LPIN2: variants seen among roughly 807,000 people sequenced by gnomAD.
LPIN2 encodes the protein phosphatidate phosphatase LPIN2.
In LPIN2, 55 loss-of-function variants were observed where a neutral mutation model predicts 111.4. That is an observed-to-expected ratio of 0.49 (90% CI 0.40 to 0.62). The LOEUF (loss-of-function observed/expected upper bound fraction) is 0.62, where lower values mean the gene tolerates loss of function less well. LPIN2 is among the 20% of genes least tolerant of loss of function. LPIN2 has a pLI of 0.00. For missense variants in LPIN2, 992 were observed against 1,112.1 expected, an observed-to-expected ratio of 0.89 and a Z score of 1.54; for synonymous variants, 425 against 414.0, an observed-to-expected ratio of 1.03 and a Z score of -0.32.
intron 1 of LPIN2, among the ~76,000 whole-genome samples, chr18:3,002,221 T>G (rs2078443522): frequency 9.3e-6 from 1 of 107,926 alleles, no homozygotes; most frequent in Non-Finnish European, 1.8e-5. Context: ...TTTAAAAGGA[T>G]GACCTTCAAA....
intron 4 of LPIN2, among the ~76,000 whole-genome samples, chr18:2,947,071 C>A (rs1461484678): frequency 6.6e-6 from 1 of 152,206 alleles, no homozygotes; most frequent in African/African-American, 2.4e-5. Flanking sequence ...GTATGCAGAT[C>A]ATCAGAGCAG....
At chr18:2,920,733 C>A (rs754176593) in intron 19 of LPIN2, 45 bp downstream of exon 19, 2 of 1,439,838 alleles carry the variant, frequency 1.4e-6, no homozygotes, top group Non-Finnish European at 2.0e-6. Context: ...CCCAACTGTA[C>A]CCCTGGCTGC....
chr18:2,976,850 G>C (rs1012058789), intron 1 of LPIN2, among the ~76,000 whole-genome samples: 2 of 152,154 alleles, frequency 1.3e-5, no homozygotes, highest in Non-Finnish European at 2.9e-5. Flanking sequence ...TAACTAAGCC[G>C]TAAGAGCCTT....
At chr18:2,982,683 G>C in intron 1 of LPIN2, 1 of 1,300,634 alleles carries the variant, frequency 7.7e-7, no homozygotes. Context: ...TACCAGGAGG[G>C]GACTTGTCAT....
chr18:2,929,110 G>C lies in LPIN2; in HGVS notation c.1505C>G (p.Pro502Arg). The C allele has an allele frequency of 6.2e-7, 1 of 1,607,714 alleles. No homozygotes were observed. Among genetic ancestry groups the C allele is most frequent in the Non-Finnish European group, 8.5e-7 (1 of 1,174,482 alleles). ...AAGGTTAGGATTGTCTATAAGTCCA[G>C]GGTTTTCTGCAAATTCGTGATAAGT... ...IITYHEFAEN[P>R]GLIDNPNLVI... The change falls in exon 10 of 20, where the codon CCT becomes CGT. Residue 502 changes from proline (P) to arginine (R), a missense_variant. Physicochemically the swap from Pro to Arg is moderately radical, Grantham distance 103. Around this residue, in one of 4 missense-constraint regions of LPIN2, gnomAD observed 709 missense variants for 753.2 expected, o/e 0.94. Transcript: ENST00000677752.
chr18:3,012,362 A>G (rs2078618443), intron 1 of LPIN2, among the ~76,000 whole-genome samples: 1 of 152,262 alleles, frequency 6.6e-6, no homozygotes, highest in African/African-American at 2.4e-5. Context: ...TGAATTTTCA[A>G]TGAAAAGAGT....
At chr18:2,998,736 T>TA (rs1462831784) in intron 1 of LPIN2, among the ~76,000 whole-genome samples, 5 of 151,974 alleles carry the variant, frequency 3.3e-5, no homozygotes, top group East Asian at 1.9e-4. Flanking sequence ...AAAAAAGAAA[T>TA]AGAGTATAAC....
intron 2 of LPIN2, 33 bp from the exon 3 acceptor site, chr18:2,954,632 A>G: frequency 7.1e-7 from 1 of 1,416,760 alleles, no homozygotes; most frequent in Non-Finnish European, 1.0e-6. Context: ...CTTAATGTTC[A>G]AGGAGTCTTT....
chr18:2,926,057 G>A (rs111657901), intron 13 of LPIN2, among the ~76,000 whole-genome samples: 3 of 152,140 alleles, frequency 2.0e-5, no homozygotes, highest in Non-Finnish European at 2.9e-5. Context: ...AGGCAGGATT[G>A]TATGAGCCGA....
In LPIN2 at chr18:2,928,664, T is replaced by A; in HGVS notation, c.1551-4A>T. ...TGCCAAAGCCCAGTTATAGTAACTG[T>A]GAGAAACAAAAATTGTGCAAAACCA... On this transcript the variant is annotated splice_region_variant and splice_polypyrimidine_tract_variant and intron_variant, in intron 10 of 19. Transcript: ENST00000677752. 1.2e-6 allele frequency: 2 copies of A among 1,613,230 alleles called. No homozygotes were observed. The highest frequency in any genetic ancestry group is 1.7e-6 in the Non-Finnish European group (2 of 1,179,606).
chr18:2,950,578 T>A (rs1264202063), intron 4 of LPIN2: 2 of 171,890 alleles, frequency 1.2e-5, no homozygotes, highest in Non-Finnish European at 2.5e-5. Context: ...TGGCATATAA[T>A]GAGCTCTTCT....
In LPIN2 at chr18:2,955,788, G is replaced by A. The variant is rs184264036; in HGVS notation, c.193-1189C>T. Among the ~76,000 whole-genome samples, 473 of 152,176 alleles carry A rather than the reference G, an allele frequency of 3.1e-3. 3 individuals are homozygous for A. Among genetic ancestry groups the A allele is most frequent in the African/African-American group, 0.011 (450 of 41,532 alleles). Reference sequence around the variant, plus strand: ...AAATCGGCTGGGCATGGTGGCGCCCGCCTGTAATCCCAGCTACTCGGGAGG... The same window carrying A: ...AAATCGGCTGGGCATGGTGGCGCCCACCTGTAATCCCAGCTACTCGGGAGG... On this transcript the variant is annotated intron_variant, in intron 2 of 19. Transcript: ENST00000677752.
At chr18:2,997,724 C>T (rs146958267) in intron 1 of LPIN2, among the ~76,000 whole-genome samples, 1 of 152,326 alleles carries the variant, frequency 6.6e-6, no homozygotes, top group Non-Finnish European at 1.5e-5. Context: ...CAAAAAGTCA[C>T]CAATTCATCA....
At chr18:2,957,239 T>G (rs1363233683) in intron 2 of LPIN2, among the ~76,000 whole-genome samples, 1 of 152,176 alleles carries the variant, frequency 6.6e-6, no homozygotes, top group African/African-American at 2.4e-5. Context: ...TGGGAGTCTA[T>G]TCATCCTGTT....
intron 5 of LPIN2, among the ~76,000 whole-genome samples, chr18:2,940,331 T>TAAAAAG (rs1304557594): frequency 1.3e-5 from 2 of 152,000 alleles, no homozygotes; most frequent in African/African-American, 4.8e-5. Context: ...TTGTCTCTAC[T>TAAAAAG]AAAAAGAAAA....
chr18:3,004,122 C>T (rs1163697747), intron 1 of LPIN2, among the ~76,000 whole-genome samples: 1 of 152,208 alleles, frequency 6.6e-6, no homozygotes. Context: ...TGGTTCTCTG[C>T]TCTTGAACCC....
chr18:2,944,969 A>T (rs1466334341), intron 4 of LPIN2, among the ~76,000 whole-genome samples: 2 of 152,182 alleles, frequency 1.3e-5, no homozygotes, highest in African/African-American at 4.8e-5. Context: ...GTAGTTGTAA[A>T]CAAATCCTAA....
At chr18:2,992,196 C>T (rs1214636527) in intron 1 of LPIN2, among the ~76,000 whole-genome samples, 1 of 151,986 alleles carries the variant, frequency 6.6e-6, no homozygotes, top group African/African-American at 2.4e-5. Flanking sequence ...GATGGAGAAA[C>T]AAAATGTGTT....
chr18:2,922,491 G>A (rs1205421532), intron 16 of LPIN2, among the ~76,000 whole-genome samples: 2 of 152,156 alleles, frequency 1.3e-5, no homozygotes, highest in East Asian at 3.9e-4. Context: ...TGGCTAGATT[G>A]GTCTTAAGCT....
Sources: gnomAD v4.1 joint callset for allele counts (sites outside exome capture counted in the v4.1 genomes callset) on GRCh38, gnomAD v4.1.1 for gene constraint, gnomAD v4.1.1 regional missense constraint, MANE v1.5 for transcripts, NCBI Gene and HGNC (gene_info 2026-07-23, HGNC 2026-07-21) for gene names.